The following ZIM2 variants were observed in gnomAD, a reference collection of about 807,000 sequenced individuals.
ZIM2 encodes zinc finger protein 656.
In ZIM2, 14 loss-of-function variants were observed where a neutral mutation model predicts 38.6. The ratio of observed to expected loss-of-function variants is 0.36; its 90% CI spans 0.24 to 0.57. The LOEUF is 0.57. Among genes scored for constraint, ZIM2 ranks in the 20% least tolerant of loss-of-function variants. ZIM2 has a pLI of 0.81. For synonymous variants in ZIM2, 247 were observed against 245.8 expected, an observed-to-expected ratio of 1.00 and a Z score of -0.04; for missense variants, 680 against 695.1, an observed-to-expected ratio of 0.98 and a Z score of 0.24.
intron 9 of ZIM2, chr19:56,811,640 G>C: frequency 2.0e-6 from 2 of 985,008 alleles, no homozygotes; most frequent in Non-Finnish European, 2.4e-6. Flanking sequence ...TACCCACAAA[G>C]TTCACCCCGA....
intron 7 of ZIM2, among the ~76,000 whole-genome samples, chr19:56,820,055 A>T (rs1174853273): frequency 6.6e-6 from 1 of 152,234 alleles, no homozygotes; most frequent in African/African-American, 2.4e-5. Context: ...GCACGCTTTG[A>T]TTGAAAATTA....
chr19:56,833,010 C>A (rs1024627000), intron 2 of ZIM2: 1 of 353,502 alleles, frequency 2.8e-6, no homozygotes. Flanking sequence ...GGCATCCTTG[C>A]CAGAAGTCAG....
intron 10 of ZIM2, 43 bp downstream of exon 10, chr19:56,789,829 A>G (rs867016791): frequency 5.5e-6 from 8 of 1,454,340 alleles, no homozygotes; most frequent in African/African-American, 4.2e-5. Context: ...GGAAGATAAG[A>G]TCCCCATATT....
At chr19:56,781,486 A>G (rs2046329342) in intron 11 of ZIM2, among the ~76,000 whole-genome samples, 1 of 152,156 alleles carries the variant, frequency 6.6e-6, no homozygotes. Context: ...TCATTCAGTA[A>G]ACATCATTTT....
At chr19:56,800,505 CTG>C (rs2047465613) in intron 9 of ZIM2, among the ~76,000 whole-genome samples, 1 of 151,914 alleles carries the variant, frequency 6.6e-6, no homozygotes, top group Admixed American at 6.6e-5. Context: ...ATATATAACT[CTG>C]TAAGTTGTAT....
intron 9 of ZIM2, among the ~76,000 whole-genome samples, chr19:56,806,626 T>C (rs1349472657): frequency 6.6e-6 from 1 of 152,216 alleles, no homozygotes; most frequent in Non-Finnish European, 1.5e-5. Context: ...ATATTGTTAC[T>C]GCCTTCCTCC....
intron 1 of ZIM2, among the ~76,000 whole-genome samples, chr19:56,836,840 C>T (rs1343644458): frequency 2.0e-5 from 3 of 151,848 alleles, no homozygotes; most frequent in African/African-American, 4.8e-5. Context: ...TGGTGGCGCG[C>T]GCCTGTATTC....
At chr19:56,788,356 G>C (rs566147483) in intron 10 of ZIM2, among the ~76,000 whole-genome samples, 1 of 152,056 alleles carries the variant, frequency 6.6e-6, no homozygotes, top group African/African-American at 2.4e-5. Context: ...CCTTAATTTC[G>C]TTATTTACTG....
intron 11 of ZIM2, among the ~76,000 whole-genome samples, 158 bp from the exon 12 acceptor site, chr19:56,779,630 T>G (rs1386974445): frequency 6.6e-6 from 1 of 152,104 alleles, no homozygotes; most frequent in African/African-American, 2.4e-5. Flanking sequence ...ACATCTAAAA[T>G]GTATGGAGAT....
chr19:56,833,158 G>A (rs547166777), intron 2 of ZIM2: 7 of 517,470 alleles, frequency 1.4e-5, no homozygotes, highest in South Asian at 9.8e-5. Flanking sequence ...CTCCGGTTTG[G>A]CCTCAGGCTC....
At chr19:56,836,700 G>A (rs752657469) in intron 1 of ZIM2, among the ~76,000 whole-genome samples, 2 of 152,176 alleles carry the variant, frequency 1.3e-5, no homozygotes, top group Non-Finnish European at 2.9e-5. Context: ...TGGGCGCAGT[G>A]ACTCGCGCCT....
chr19:56,779,550 G>C, intron 11 of ZIM2, 78 bp from the exon 12 acceptor site: 1 of 1,404,500 alleles, frequency 7.1e-7, no homozygotes, highest in South Asian at 1.2e-5. Context: ...GAATAATAAG[G>C]AAGGAACAAA....
intron 9 of ZIM2, among the ~76,000 whole-genome samples, chr19:56,805,694 A>G (rs1401549283): frequency 6.6e-6 from 1 of 152,188 alleles, no homozygotes; most frequent in South Asian, 2.1e-4. Flanking sequence ...CCTGAATCTA[A>G]TTCATAGGAA....
At chr19:56,833,226 T>C (rs951620568) in intron 2 of ZIM2, 2 of 503,374 alleles carry the variant, frequency 4.0e-6, no homozygotes, top group East Asian at 5.6e-5. Context: ...CCCATTTCTA[T>C]TTACTTACTT....
At position 56,817,758 on chromosome 19, in the gene ZIM2, T is replaced by G. The variant is rs764998224; in HGVS notation, c.478A>C (p.Ser160Arg). Residue 160 changes from serine to arginine, a missense_variant, in exon 9 of 13, where the codon AGC (serine) becomes CGC (arginine). Physicochemically the swap from Ser to Arg is moderately radical, Grantham distance 110. Transcript: ENST00000629319. ...SSRSKRSAYP[S>R]TSRGFLAQDS... is the part of the protein sequence containing the mutation. ...GCCTCCTGCTTACCTCGACTGGTGC[T>G]TGGGTAGGCACTTCTCTTGGATCTT... The G allele has an allele frequency of 1.2e-6, 2 of 1,614,034 alleles. No homozygotes were observed. Among genetic ancestry groups the G allele is most frequent in the African/African-American group, 1.3e-5 (1 of 75,054 alleles).
chr19:56,779,911 A>G (rs536147593), intron 11 of ZIM2, among the ~76,000 whole-genome samples: 1 of 152,318 alleles, frequency 6.6e-6, no homozygotes, highest in East Asian at 1.9e-4. Context: ...TCCTGGGATA[A>G]CGTCCACTGC....
chr19:56,781,038 C>G (rs1329015106), intron 11 of ZIM2, among the ~76,000 whole-genome samples: 2 of 152,186 alleles, frequency 1.3e-5, no homozygotes, highest in Non-Finnish European at 2.9e-5. Flanking sequence ...TGGAATGATA[C>G]AATTAATTTA....
In ZIM2 at chr19:56,823,545, C is replaced by T. The variant is rs539549964; in HGVS notation, c.106+45G>A. On this transcript the variant is annotated intron_variant, in intron 5 of 12. Coordinates refer to ENST00000629319, the MANE Select transcript of ZIM2 (RefSeq NM_001387356.1). Reference sequence around the variant, plus strand: ...CCACTGTGTCTCCATCTGGAAGCATCTGGCAGCGCCTGCCCATGGGTGACC... The same window carrying T: ...CCACTGTGTCTCCATCTGGAAGCATTTGGCAGCGCCTGCCCATGGGTGACC... 7.4e-6 allele frequency: 12 copies of T among 1,612,268 alleles called. No individual in the cohort carries two copies. The Admixed American group carries it at 1.8e-4, about 25-fold the overall frequency.
At position 56,814,542 on chromosome 19, in the gene ZIM2, G is replaced by A. The variant is rs571070040; in HGVS notation, c.490+3204C>T. 2.0e-5 allele frequency: 32 copies of A among 1,613,838 alleles called. No homozygotes were observed. The highest frequency in any genetic ancestry group is 6.7e-5 in the Admixed American group (4 of 59,998). ...AGGGCTCATTCTTATGAACAGTTAC[G>A]TGATCTGCAAGTTCTGCTGGGTTGA... On this transcript the variant is annotated intron_variant, in intron 9 of 12. Coordinates refer to ENST00000629319, the MANE Select transcript of ZIM2 (RefSeq NM_001387356.1). This position sits in a 1 kb window ranked among gnomAD's most constrained non-coding sequence, Gnocchi z 5.8.
Sources: allele counts gnomAD v4.1 joint callset (sites outside exome capture counted in the v4.1 genomes callset), GRCh38; gene constraint gnomAD v4.1.1; non-coding constraint Gnocchi (gnomAD v3.1); transcripts MANE v1.5; gene names NCBI Gene and HGNC (gene_info 2026-07-23, HGNC 2026-07-21).